The following AUTS2 variants were observed in gnomAD, a reference collection of about 807,000 sequenced individuals.
The protein encoded by AUTS2 is autism susceptibility gene 2 protein.
AUTS2 carries 17 observed loss-of-function variants against 112.4 expected under a neutral mutation model. That is an observed-to-expected ratio of 0.15 (90% CI 0.10 to 0.23). The LOEUF (loss-of-function observed/expected upper bound fraction) is 0.23, where lower values mean the gene tolerates loss of function less well. Ranked by LOEUF, AUTS2 falls within the 10% of genes least tolerant of loss-of-function variation. The pLI is 1.00. For synonymous variants in AUTS2, 751 were observed against 702.7 expected (o/e 1.07, Z -1.09); for missense variants, 1,510 against 1,701.6 (o/e 0.89, Z 1.98).
intron 5 of AUTS2, among the ~76,000 whole-genome samples, chr7:70,690,363 T>C (rs184085897): frequency 6.6e-6 from 1 of 152,340 alleles, no homozygotes; most frequent in Admixed American, 6.5e-5. Flanking sequence ...GTTATCACCC[T>C]CCTTCAATCA....
At chr7:69,736,721 T>G (rs919723608) in intron 1 of AUTS2, among the ~76,000 whole-genome samples, 1 of 152,190 alleles carries the variant, frequency 6.6e-6, no homozygotes, top group African/African-American at 2.4e-5. Flanking sequence ...CCAGATTCTC[T>G]GCAGACCCTT....
intron 5 of AUTS2, among the ~76,000 whole-genome samples, chr7:70,567,293 T>G (rs1402945227): frequency 6.6e-6 from 1 of 152,182 alleles, no homozygotes; most frequent in Non-Finnish European, 1.5e-5. Context: ...CATTCTTGAC[T>G]TTTTTCAAAA....
intron 3 of AUTS2, among the ~76,000 whole-genome samples, chr7:70,126,908 C>T: frequency 6.6e-6 from 1 of 152,052 alleles, no homozygotes; most frequent in Non-Finnish European, 1.5e-5. Flanking sequence ...CTCACTGCAA[C>T]CTCCACCTCC....
intron 2 of AUTS2, among the ~76,000 whole-genome samples, chr7:69,926,354 TATTG>T (rs1206326307): frequency 1.3e-5 from 2 of 152,188 alleles, no homozygotes; most frequent in Non-Finnish European, 2.9e-5. Flanking sequence ...GGTTATGTGG[TATTG>T]ATTGATTGAT....
chr7:70,324,419 C>G (rs1474715509), intron 4 of AUTS2, among the ~76,000 whole-genome samples: 1 of 152,086 alleles, frequency 6.6e-6, no homozygotes, highest in Non-Finnish European at 1.5e-5. Context: ...CCCAGGAGTT[C>G]AAGACCAGCC....
intron 5 of AUTS2, among the ~76,000 whole-genome samples, chr7:70,667,240 T>C (rs1807398320): frequency 6.6e-6 from 1 of 152,208 alleles, no homozygotes; most frequent in Non-Finnish European, 1.5e-5. Context: ...AAACATCATT[T>C]CCTTACTGTT....
intron 3 of AUTS2, among the ~76,000 whole-genome samples, chr7:70,128,248 A>C (rs1460493331): frequency 2.6e-5 from 4 of 152,204 alleles, no homozygotes; most frequent in Non-Finnish European, 5.9e-5. Flanking sequence ...AAGAAATGTC[A>C]ATCAAATTTC....
At chr7:70,037,668 C>T (rs1010388640) in intron 2 of AUTS2, among the ~76,000 whole-genome samples, 1 of 152,020 alleles carries the variant, frequency 6.6e-6, no homozygotes, top group African/African-American at 2.4e-5. Context: ...AAATTGAGAA[C>T]ATCTGGAGGC....
intron 1 of AUTS2, among the ~76,000 whole-genome samples, chr7:69,895,549 C>CCCG (rs1554400689): frequency 7.0e-6 from 1 of 142,316 alleles, no homozygotes; most frequent in African/African-American, 2.8e-5. Context: ...TTCTTCCCCC[C>CCCG]CCCCGAGTGG....
chr7:69,867,255 C>T (rs1793278721), intron 1 of AUTS2, among the ~76,000 whole-genome samples: 1 of 152,138 alleles, frequency 6.6e-6, no homozygotes, highest in African/African-American at 2.4e-5. Flanking sequence ...GCCTTGAGGA[C>T]TTGGTGGGAG....
intron 1 of AUTS2, among the ~76,000 whole-genome samples, chr7:69,859,186 A>ATCCAGTGGG (rs1478770194): frequency 6.6e-6 from 1 of 152,240 alleles, no homozygotes; most frequent in Non-Finnish European, 1.5e-5. Context: ...AAGAGGGTTT[A>ATCCAGTGGG]AAATTACTCC....
At chr7:70,166,333 T>C (rs1808379666) in intron 4 of AUTS2, among the ~76,000 whole-genome samples, 1 of 152,218 alleles carries the variant, frequency 6.6e-6, no homozygotes, top group Non-Finnish European at 1.5e-5. Context: ...AGAGCATATA[T>C]GGCTTGCAAA....
chr7:70,108,741 T>A (rs1804903694), intron 2 of AUTS2, among the ~76,000 whole-genome samples: 2 of 130,286 alleles, frequency 1.5e-5, no homozygotes, highest in South Asian at 4.7e-4. Context: ...GGTGGGTGGA[T>A]CACTTGAGGT....
intron 5 of AUTS2, among the ~76,000 whole-genome samples, chr7:70,574,415 T>C (rs1208915099): frequency 6.6e-6 from 1 of 152,300 alleles, no homozygotes; most frequent in African/African-American, 2.4e-5. Context: ...AAGATCCCCT[T>C]GCCCTTGATG....
intron 5 of AUTS2, among the ~76,000 whole-genome samples, chr7:70,579,054 G>C (rs1258259402): frequency 2.0e-5 from 3 of 149,450 alleles, no homozygotes; most frequent in Admixed American, 1.3e-4. Flanking sequence ...TCAGCCTCTC[G>C]AATAGTTGGG....
chr7:69,775,721 C>T (rs1788864098), intron 1 of AUTS2, among the ~76,000 whole-genome samples: 1 of 152,086 alleles, frequency 6.6e-6, no homozygotes, highest in African/African-American at 2.4e-5. Context: ...CAGGGGAAGG[C>T]TGTCTGTGTT....
intron 5 of AUTS2, among the ~76,000 whole-genome samples, chr7:70,473,931 C>A (rs1438860941): frequency 6.6e-6 from 1 of 152,068 alleles, no homozygotes; most frequent in Non-Finnish European, 1.5e-5. Context: ...TGCTAGCTCA[C>A]CAGATAAAAT....
chr7:70,276,488 C>T (rs897717681), intron 4 of AUTS2, among the ~76,000 whole-genome samples: 47 of 151,432 alleles, frequency 3.1e-4, no homozygotes, highest in African/African-American at 1.1e-3. Context: ...AAGTGATTCT[C>T]CCACCTCAGC....
At chr7:70,505,305 G>T (rs947964356) in intron 5 of AUTS2, among the ~76,000 whole-genome samples, 1 of 152,186 alleles carries the variant, frequency 6.6e-6, no homozygotes, top group Admixed American at 6.5e-5. Flanking sequence ...GTGGGTGATG[G>T]TTTCCTTTCC....
Sources: gnomAD v4.1 joint callset for allele counts (sites outside exome capture counted in the v4.1 genomes callset) on GRCh38, gnomAD v4.1.1 for gene constraint, MANE v1.5 for transcripts, NCBI Gene and HGNC (gene_info 2026-07-23, HGNC 2026-07-21) for gene names.